NALF1: variants seen among roughly 807,000 people sequenced by gnomAD.
The protein encoded by NALF1 is NALCN channel auxiliary factor 1.
NALF1 carries 3 observed loss-of-function variants against 48.4 expected under a neutral mutation model. That is an observed-to-expected ratio of 0.06 (90% CI 0.03 to 0.16). The LOEUF (loss-of-function observed/expected upper bound fraction) is 0.16. NALF1 is among the 10% of genes least tolerant of loss of function. The pLI, the probability that NALF1 is intolerant of heterozygous loss-of-function variation, is 1.00. For synonymous variants in NALF1, 262 were observed against 245.7 expected, an observed-to-expected ratio of 1.07 and a Z score of -0.62; for missense variants, 526 against 571.5, an observed-to-expected ratio of 0.92 and a Z score of 0.81.
intron 1 of NALF1, among the ~76,000 whole-genome samples, chr13:107,428,495 G>C (rs1234507853): frequency 1.3e-5 from 2 of 152,128 alleles, no homozygotes; most frequent in Non-Finnish European, 2.9e-5. Flanking sequence ...CAGTGTATGT[G>C]ACTGTATTAT....
chr13:107,792,613 A>G (rs1009404226), intron 1 of NALF1, among the ~76,000 whole-genome samples: 2 of 152,172 alleles, frequency 1.3e-5, no homozygotes, highest in African/African-American at 4.8e-5. Flanking sequence ...TCACCATGAC[A>G]ATCTTTCTAG....
rs1594268953 is a variant in NALF1 at position 107,790,993 on chromosome 13, T to A, written c.915+74689A>T. 3.9e-5 allele frequency among the ~76,000 whole-genome samples: 6 copies of A among 152,240 alleles called. No individual in the cohort carries two copies. In the South Asian group the frequency reaches 8.3e-4, roughly 21 times the overall value. ...ATCCTAAGATAATCCTGGAAGGAGATGGTGAAAACTACCCACAAACCTAAA... is the reference window on the plus strand; with the variant it reads ...ATCCTAAGATAATCCTGGAAGGAGAAGGTGAAAACTACCCACAAACCTAAA... On this transcript the variant is annotated intron_variant, in intron 1 of 2. Coordinates refer to ENST00000375915, the MANE Select transcript of NALF1 (RefSeq NM_001080396.3).
At chr13:107,240,465 T>TG (rs1220393402) in intron 1 of NALF1, among the ~76,000 whole-genome samples, 2 of 152,210 alleles carry the variant, frequency 1.3e-5, no homozygotes, top group African/African-American at 4.8e-5. Context: ...ATGGGACTTT[T>TG]GTTAGATTTA....
At chr13:107,593,232 A>G (rs1011363556) in intron 1 of NALF1, among the ~76,000 whole-genome samples, 2 of 151,970 alleles carry the variant, frequency 1.3e-5, no homozygotes, top group Non-Finnish European at 2.9e-5. Flanking sequence ...AATGCTGTAC[A>G]TTATTCTAAA....
intron 1 of NALF1, among the ~76,000 whole-genome samples, chr13:107,663,732 G>C (rs762410363): frequency 1.3e-5 from 2 of 152,092 alleles, no homozygotes; most frequent in Non-Finnish European, 2.9e-5. Flanking sequence ...AAGTTTCGTA[G>C]TGAATTCTCA....
intron 1 of NALF1, among the ~76,000 whole-genome samples, chr13:107,282,522 C>A (rs1881409090): frequency 6.6e-6 from 1 of 152,202 alleles, no homozygotes; most frequent in Admixed American, 6.5e-5. Context: ...ATGTGGTTCC[C>A]TTCCACACTA....
intron 1 of NALF1, among the ~76,000 whole-genome samples, chr13:107,822,519 G>A (rs1297969245): frequency 6.6e-6 from 1 of 152,114 alleles, no homozygotes; most frequent in Non-Finnish European, 1.5e-5. Flanking sequence ...TGAGCCTACA[G>A]AGGATTCCAC....
chr13:107,734,268 T>A (rs887088117), intron 1 of NALF1, among the ~76,000 whole-genome samples: 8 of 152,066 alleles, frequency 5.3e-5, no homozygotes, highest in Non-Finnish European at 8.8e-5. Context: ...ATCACTTAAT[T>A]ATGCACCTCA....
At position 107,866,540 on chromosome 13, in the gene NALF1, C is replaced by T. The variant is rs573339296; in HGVS notation, c.57G>A (p.Leu19=). 1.9e-6 allele frequency: 3 copies of T among 1,613,284 alleles called. No individual in the cohort carries two copies. The highest frequency in any genetic ancestry group is 2.2e-5 in the South Asian group (2 of 91,062). Residue 19 remains leucine, a synonymous_variant, in exon 1 of 3, where the codon TTG becomes TTA. Coordinates refer to ENST00000375915, the MANE Select transcript of NALF1 (RefSeq NM_001080396.3). This position sits in a 1 kb window ranked among gnomAD's most constrained non-coding sequence, Gnocchi z 4.4. ...RQYDDGLKIW[L]AAPRENEKPF... is the part of the protein sequence containing the mutation. The stretch of plus-strand genomic sequence containing the variant: ...GTTTCTCGTTCTCTCGGGGTGCTGC[C>T]AACCAGATTTTTAAGCCGTCGTCAT...
At chr13:107,725,361 GA>G (rs942502329) in intron 1 of NALF1, among the ~76,000 whole-genome samples, 6 of 152,000 alleles carry the variant, frequency 3.9e-5, no homozygotes, top group South Asian at 4.1e-4. Flanking sequence ...AATTATGAGG[GA>G]AAAAAATGTA....
chr13:107,500,274 T>C (rs1051934506), intron 1 of NALF1, among the ~76,000 whole-genome samples: 2 of 152,116 alleles, frequency 1.3e-5, no homozygotes, highest in Non-Finnish European at 1.5e-5. Context: ...AAATAAAGAA[T>C]AGAAATTTTT....
chr13:107,363,345 G>C (rs1883098375), intron 1 of NALF1, among the ~76,000 whole-genome samples: 1 of 152,146 alleles, frequency 6.6e-6, no homozygotes, highest in African/African-American at 2.4e-5. Context: ...TATAATCAAA[G>C]TGCTTTGGGA....
At chr13:107,854,268 G>C (rs562461671) in intron 1 of NALF1, among the ~76,000 whole-genome samples, 1 of 152,272 alleles carries the variant, frequency 6.6e-6, no homozygotes, top group African/African-American at 2.4e-5. Flanking sequence ...TGCCATACTT[G>C]GCCAAACCTC....
chr13:107,856,708 T>C (rs1445032866), intron 1 of NALF1, among the ~76,000 whole-genome samples: 1 of 152,152 alleles, frequency 6.6e-6, no homozygotes, highest in Non-Finnish European at 1.5e-5. Flanking sequence ...CTAAGTACCA[T>C]CTCACCATGC....
intron 1 of NALF1, among the ~76,000 whole-genome samples, chr13:107,705,018 A>G (rs1881913301): frequency 1.3e-5 from 2 of 152,326 alleles, no homozygotes; most frequent in South Asian, 4.1e-4. Flanking sequence ...CTCCTTGTCC[A>G]CACGATGTGC....
At chr13:107,339,654 T>A (rs1286073096) in intron 1 of NALF1, among the ~76,000 whole-genome samples, 1 of 152,178 alleles carries the variant, frequency 6.6e-6, no homozygotes, top group African/African-American at 2.4e-5. Context: ...TTTGGAGAAC[T>A]GAAGGGTTAG....
chr13:107,742,411 A>G (rs1184223662), intron 1 of NALF1, among the ~76,000 whole-genome samples: 1 of 152,114 alleles, frequency 6.6e-6, no homozygotes, highest in African/African-American at 2.4e-5. Context: ...CCAGGAGGGG[A>G]TAATTGAATC....
chr13:107,533,094 T>A (rs540321771), intron 1 of NALF1, among the ~76,000 whole-genome samples: 1 of 152,300 alleles, frequency 6.6e-6, no homozygotes, highest in African/African-American at 2.4e-5. Context: ...TAACTCATTC[T>A]ACTAAAATTA....
intron 1 of NALF1, among the ~76,000 whole-genome samples, chr13:107,354,690 T>C (rs1882931936): frequency 6.6e-6 from 1 of 152,198 alleles, no homozygotes; most frequent in Non-Finnish European, 1.5e-5. Context: ...CCTGTCATCA[T>C]TTTGCTCAGA....
Sources: allele counts gnomAD v4.1 joint callset (sites outside exome capture counted in the v4.1 genomes callset), GRCh38; gene constraint gnomAD v4.1.1; non-coding constraint Gnocchi (gnomAD v3.1); transcripts MANE v1.5; gene names NCBI Gene and HGNC (gene_info 2026-07-23, HGNC 2026-07-21).